The following HBS1L variants were observed in gnomAD, a reference collection of about 807,000 sequenced individuals.
The protein encoded by HBS1L is HBS1-like protein.
A neutral mutation model predicts 88.9 loss-of-function variants in HBS1L; 55 were observed. The ratio of observed to expected loss-of-function variants is 0.62; its 90% confidence interval spans 0.50 to 0.77. The LOEUF (loss-of-function observed/expected upper bound fraction) is 0.77, where lower values mean the gene tolerates loss of function less well. Ranked by LOEUF, HBS1L falls within the 30% of genes least tolerant of loss-of-function variation. The pLI is 0.00. For missense variants in HBS1L, 741 were observed against 829.3 expected (o/e 0.89, Z 1.31); for synonymous variants, 267 against 288.5 (o/e 0.93, Z 0.76).
At chr6:135,004,152 T>C (rs1307278485) in intron 4 of HBS1L, among the ~76,000 whole-genome samples, 1 of 151,974 alleles carries the variant, frequency 6.6e-6, no homozygotes, top group Non-Finnish European at 1.5e-5. Context: ...ATGTTTGCTA[T>C]TTGCCTACTA....
At chr6:134,999,290 C>G (rs1459003450) in intron 5 of HBS1L, among the ~76,000 whole-genome samples, 1 of 152,076 alleles carries the variant, frequency 6.6e-6, no homozygotes, top group Non-Finnish European at 1.5e-5. Context: ...TCAGCTCCCC[C>G]ACCAATCCAG....
intron 4 of HBS1L, among the ~76,000 whole-genome samples, chr6:135,028,548 C>A (rs1034075788): frequency 1.4e-4 from 22 of 152,052 alleles, no homozygotes; most frequent in African/African-American, 5.1e-4. Context: ...TGAAATCATT[C>A]TAAATTTTTT....
intron 5 of HBS1L, among the ~76,000 whole-genome samples, chr6:135,001,891 AT>A (rs1196788680): frequency 5.9e-5 from 9 of 151,830 alleles, no homozygotes; most frequent in African/African-American, 2.2e-4. Flanking sequence ...GAAAAAAAAA[AT>A]AAATAAGGTT....
chr6:134,967,522 C>A (rs775173865), intron 16 of HBS1L, among the ~76,000 whole-genome samples: 1 of 152,124 alleles, frequency 6.6e-6, no homozygotes, highest in East Asian at 1.9e-4. Flanking sequence ...AAAGGCCAAA[C>A]GGTTGTGCAA....
chr6:135,034,356 A>G (rs1251062515), intron 4 of HBS1L, among the ~76,000 whole-genome samples: 3 of 152,240 alleles, frequency 2.0e-5, no homozygotes, highest in African/African-American at 7.2e-5. Flanking sequence ...ATTAAAAAAA[A>G]TATTTGGCCA....
chr6:135,009,440 AAAT>A (rs961688731), intron 4 of HBS1L, among the ~76,000 whole-genome samples: 1 of 152,136 alleles, frequency 6.6e-6, no homozygotes, highest in Admixed American at 6.5e-5. Flanking sequence ...GAGGAGGCAA[AAAT>A]AATATGAGAA....
intron 4 of HBS1L, among the ~76,000 whole-genome samples, chr6:135,020,156 C>T (rs368506886): frequency 9.2e-6 from 1 of 108,962 alleles, no homozygotes. Flanking sequence ...TTAAAAAAAA[C>T]CCTCCAAAAA....
At position 134,996,849 on chromosome 6, in the gene HBS1L, T is replaced by G; in HGVS notation, c.893A>C (p.Glu298Ala). ...CGAAGCTTTGCCAGCCTTTTTAGAC[T>G]CCTGTTCATACTTATGCATAGTTCT... ...NKRTMHKYEQ[E>A]SKKAGKASFA... The change falls in exon 7 of 18, where the codon GAG (glutamate) becomes GCG (alanine). Residue 298 changes from glutamate to alanine, a missense_variant. Physicochemically the swap from Glu to Ala is moderately radical, Grantham distance 107. This residue lies in a region of HBS1L where 556 missense variants were observed against 598.4 expected (regional missense o/e 0.93). Coordinates refer to ENST00000367837, the MANE Select transcript of HBS1L (RefSeq NM_006620.4). 6.2e-7 allele frequency: 1 copy of G among 1,612,300 alleles called. No individual in the cohort carries two copies. Among genetic ancestry groups the G allele is most frequent in the Non-Finnish European group, 8.5e-7 (1 of 1,179,240 alleles).
chr6:135,042,352 C>T (rs1583155434), intron 2 of HBS1L, among the ~76,000 whole-genome samples: 1 of 152,116 alleles, frequency 6.6e-6, no homozygotes, highest in East Asian at 1.9e-4. Flanking sequence ...CCTTCTTTCC[C>T]CCAATCTCTG....
At chr6:135,040,344 C>CCTTTTT (rs1365916364) in intron 3 of HBS1L, among the ~76,000 whole-genome samples, 5,983 of 109,142 alleles carry the variant, frequency 0.055, 380 homozygotes, top group East Asian at 0.13. Flanking sequence ...GATAGGCATT[C>CCTTTTT]TTTTTTTTTT....
chr6:135,001,457 A>C lies in HBS1L; in HGVS notation c.539+1277T>G, dbSNP rs192492179. 1.9e-3 allele frequency among the ~76,000 whole-genome samples: 287 copies of C among 151,634 alleles called. 2 individuals carry two copies. The highest frequency in any genetic ancestry group is 4.1e-4 in the Non-Finnish European group (28 of 67,980). Reference sequence around the variant, plus strand: ...AGATTATAAAATCCTTAGAACAATAAATTGTGTATTCTATTTATTTCCCCC... The same window carrying C: ...AGATTATAAAATCCTTAGAACAATACATTGTGTATTCTATTTATTTCCCCC... On this transcript the variant is annotated intron_variant, in intron 5 of 17. Coordinates refer to ENST00000367837, the MANE Select transcript of HBS1L (RefSeq NM_006620.4).
Position 134,996,907 on chromosome 6 carries a change from G to A in HBS1L, c.835C>T (p.His279Tyr). 4 of 1,601,072 alleles carry A rather than the reference G, an allele frequency of 2.5e-6. No homozygotes were observed. The highest frequency in any genetic ancestry group is 3.4e-6 in the Non-Finnish European group (4 of 1,175,976). The change falls in exon 7 of 18, where the codon CAT (histidine) becomes TAT (tyrosine). Residue 279 changes from histidine to tyrosine, a missense_variant. His to Tyr is a moderately conservative substitution (Grantham distance 83, BLOSUM62 2). This residue lies in a region of HBS1L where 556 missense variants were observed against 598.4 expected (regional missense o/e 0.93). Coordinates refer to ENST00000367837, the MANE Select transcript of HBS1L (RefSeq NM_006620.4). ...ATATTACCCAGAAGATAAAGCATAT[G>A]GCCCATCAGAGTACTTTTCCCAGCA... ...VDAGKSTLMG[H>Y]MLYLLGNINK...
At chr6:134,995,440 T>C (rs1389743459) in intron 7 of HBS1L, among the ~76,000 whole-genome samples, 1 of 151,950 alleles carries the variant, frequency 6.6e-6, no homozygotes, top group Non-Finnish European at 1.5e-5. Context: ...AATAAAAAAC[T>C]AGCAGCAGCA....
intron 7 of HBS1L, among the ~76,000 whole-genome samples, chr6:134,994,840 C>T (rs1775247313): frequency 6.6e-6 from 1 of 151,978 alleles, no homozygotes; most frequent in Non-Finnish European, 1.5e-5. Flanking sequence ...TCATTCTAGG[C>T]CTCAGGAATT....
intron 4 of HBS1L, chr6:135,037,666 C>T: frequency 6.4e-7 from 1 of 1,550,482 alleles, no homozygotes; most frequent in East Asian, 2.4e-5. Context: ...TGCATGAGGT[C>T]TCAACAAATC....
intron 8 of HBS1L, among the ~76,000 whole-genome samples, chr6:134,991,949 T>C (rs1775151186): frequency 6.6e-6 from 1 of 152,120 alleles, no homozygotes; most frequent in African/African-American, 2.4e-5. Flanking sequence ...ATGCCTGCAG[T>C]CCCAGCTACT....
chr6:135,021,925 C>G (rs1050977421), intron 4 of HBS1L, among the ~76,000 whole-genome samples: 2 of 152,104 alleles, frequency 1.3e-5, no homozygotes, highest in African/African-American at 4.8e-5. Context: ...TGAGAGGTAG[C>G]TCCCAGAACA....
intron 1 of HBS1L, among the ~76,000 whole-genome samples, chr6:135,051,238 AG>A (rs1371499187): frequency 2.0e-5 from 3 of 152,258 alleles, no homozygotes; most frequent in South Asian, 2.1e-4. Context: ...AGAAAAAAAA[AG>A]AAAAAAAGAA....
intron 4 of HBS1L, among the ~76,000 whole-genome samples, chr6:135,038,370 T>TA (rs61459569): frequency 0.47 from 70,900 of 151,808 alleles, 16,881 homozygotes; most frequent in South Asian, 0.56. Flanking sequence ...AAAACTTCTT[T>TA]AAAAAAACAA....
Sources: gnomAD v4.1 joint callset for allele counts (sites outside exome capture counted in the v4.1 genomes callset) on GRCh38, gnomAD v4.1.1 for gene constraint, gnomAD v4.1.1 regional missense constraint, MANE v1.5 for transcripts, NCBI Gene and HGNC (gene_info 2026-07-23, HGNC 2026-07-21) for gene names.